GHR: variants seen among roughly 807,000 people sequenced by gnomAD.
GHR encodes growth hormone receptor, also known as GH receptor.
Under a neutral mutation model 67.1 loss-of-function variants are expected in GHR, and 35 were observed. The ratio of observed to expected loss-of-function variants is 0.52; its 90% CI spans 0.40 to 0.69. GHR has a LOEUF of 0.69. Among genes scored for constraint, GHR ranks in the 30% least tolerant of loss-of-function variants. The pLI is 0.00. For missense variants in GHR, 792 were observed against 764.6 expected (o/e 1.04, Z -0.42); for synonymous variants, 272 against 269.1 (o/e 1.01, Z -0.10).
intron 1 of GHR, among the ~76,000 whole-genome samples, chr5:42,489,120 C>G (rs957258557): frequency 1.3e-5 from 2 of 152,110 alleles, no homozygotes; most frequent in Non-Finnish European, 1.5e-5. Context: ...CTATACGTAT[C>G]TGCTCAATCT....
Position 42,565,940 on chromosome 5 carries a change from T to C in GHR, c.66T>C (p.Ser22=), listed in dbSNP as rs1749905390. 2.5e-6 allele frequency: 4 copies of C among 1,614,134 alleles called. No homozygotes were observed. Among genetic ancestry groups the C allele is most frequent in the Non-Finnish European group, 3.4e-6 (4 of 1,179,954 alleles). ...GATCAAGTGATGCTTTTTCTGGAAG[T>C]GAGGGTGAGTTCTGCTTTTCCATTT... ...LAGSSDAFSG[S]EATAAILSRA... Residue 22 remains serine, a synonymous_variant, in exon 2 of 10, where the codon AGT becomes AGC. Transcript: ENST00000230882.
chr5:42,522,163 T>G (rs767188970), intron 1 of GHR, among the ~76,000 whole-genome samples: 2 of 152,184 alleles, frequency 1.3e-5, no homozygotes, highest in Non-Finnish European at 2.9e-5. Context: ...ATTACCAGAT[T>G]TGTAATTTTA....
intron 1 of GHR, among the ~76,000 whole-genome samples, chr5:42,476,996 AG>A: frequency 6.6e-6 from 1 of 151,622 alleles, no homozygotes; most frequent in East Asian, 1.9e-4. Flanking sequence ...CTCGTCATTT[AG>A]CGTTAGGTGT....
chr5:42,683,766 A>G (rs1757002879), intron 3 of GHR, among the ~76,000 whole-genome samples: 1 of 152,178 alleles, frequency 6.6e-6, no homozygotes, highest in African/African-American at 2.4e-5. Flanking sequence ...CTGCTGCACA[A>G]CATCTGTATC....
intron 2 of GHR, among the ~76,000 whole-genome samples, chr5:42,572,082 A>C (rs570519324): frequency 3.3e-5 from 5 of 152,260 alleles, no homozygotes; most frequent in African/African-American, 9.6e-5. Context: ...CTCATGAAGA[A>C]TTTGCCATTG....
intron 3 of GHR, among the ~76,000 whole-genome samples, chr5:42,655,648 T>TA (rs1755218827): frequency 6.6e-6 from 1 of 152,154 alleles, no homozygotes; most frequent in South Asian, 2.1e-4. Context: ...GGTTCTAATA[T>TA]ATTCTGTTCA....
At chr5:42,645,392 G>A (rs186476653) in intron 3 of GHR, among the ~76,000 whole-genome samples, 3 of 152,210 alleles carry the variant, frequency 2.0e-5, no homozygotes, top group East Asian at 1.9e-4. Context: ...AGACTCTTTG[G>A]CCATGGAACA....
chr5:42,694,727 G>A (rs1020525578), intron 4 of GHR, among the ~76,000 whole-genome samples, 190 bp from the exon 5 acceptor site: 1 of 152,128 alleles, frequency 6.6e-6, no homozygotes, highest in South Asian at 2.1e-4. Context: ...AAACGGCCTC[G>A]TAGCAGTCGT....
chr5:42,623,491 C>A (rs1255111085), intron 2 of GHR, among the ~76,000 whole-genome samples: 1 of 152,184 alleles, frequency 6.6e-6, no homozygotes, highest in Non-Finnish European at 1.5e-5. Flanking sequence ...CAGCTCTTTA[C>A]ATGCCCAGGC....
At chr5:42,502,078 TGGGTGGGAGTTAG>T (rs528261778) in intron 1 of GHR, among the ~76,000 whole-genome samples, 9 of 152,206 alleles carry the variant, frequency 5.9e-5, no homozygotes, top group African/African-American at 2.2e-4. Context: ...AAAAACTCCG[TGGGTGGGAGTTAG>T]GGATTCATAG....
chr5:42,631,427 G>A (rs974429776), intron 3 of GHR, among the ~76,000 whole-genome samples: 1 of 152,180 alleles, frequency 6.6e-6, no homozygotes, highest in African/African-American at 2.4e-5. Flanking sequence ...TAGTGCACAT[G>A]CTTGAACATA....
At chr5:42,492,476 A>G (rs556032560) in intron 1 of GHR, among the ~76,000 whole-genome samples, 15 of 152,152 alleles carry the variant, frequency 9.9e-5, no homozygotes, top group African/African-American at 3.6e-4. Flanking sequence ...CTGTTTTTCT[A>G]TAGGCAGCTG....
At chr5:42,638,101 G>A (rs113077374) in intron 3 of GHR, among the ~76,000 whole-genome samples, 16,813 of 152,048 alleles carry the variant, frequency 0.11, 1,098 homozygotes, top group Middle Eastern at 0.19. Context: ...CACCACGCCC[G>A]GCAAATTTTT....
intron 3 of GHR, among the ~76,000 whole-genome samples, chr5:42,638,161 G>A (rs1754295646): frequency 6.6e-6 from 1 of 151,478 alleles, no homozygotes; most frequent in South Asian, 2.1e-4. Context: ...GGCTGGTCTC[G>A]AACTCCTGAC....
chr5:42,617,130 T>C (rs1381860408), intron 2 of GHR, among the ~76,000 whole-genome samples: 1 of 151,864 alleles, frequency 6.6e-6, no homozygotes, highest in African/African-American at 2.4e-5. Flanking sequence ...TCTTTTTTGG[T>C]GGTGTTCTTT....
At chr5:42,683,952 T>G (rs1344637117) in intron 3 of GHR, among the ~76,000 whole-genome samples, 2 of 151,704 alleles carry the variant, frequency 1.3e-5, no homozygotes, top group Non-Finnish European at 2.9e-5. Context: ...GATTAGTTAT[T>G]TTTTCTTTTT....
intron 1 of GHR, among the ~76,000 whole-genome samples, chr5:42,451,463 T>C (rs545501587): frequency 1.2e-4 from 19 of 152,094 alleles, no homozygotes; most frequent in Non-Finnish European, 2.5e-4. Context: ...ACTCCTAGAC[T>C]GGCCGCAGTG....
At chr5:42,588,621 T>C (rs1751619234) in intron 2 of GHR, among the ~76,000 whole-genome samples, 1 of 151,368 alleles carries the variant, frequency 6.6e-6, no homozygotes, top group Non-Finnish European at 1.5e-5. Context: ...AAGTAAATTG[T>C]ATTTTGTTCA....
intron 1 of GHR, among the ~76,000 whole-genome samples, chr5:42,477,955 G>A (rs1745418846): frequency 6.6e-6 from 1 of 151,960 alleles, no homozygotes; most frequent in East Asian, 1.9e-4. Flanking sequence ...TGAAGTCCTT[G>A]CCCATGCCTA....
Sources: allele counts gnomAD v4.1 joint callset (sites outside exome capture counted in the v4.1 genomes callset), GRCh38; gene constraint gnomAD v4.1.1; transcripts MANE v1.5; gene names NCBI Gene and HGNC (gene_info 2026-07-23, HGNC 2026-07-21).